Variants in LPA observed in about 807,000 individuals in gnomAD.
LPA encodes the protein apolipoprotein(a).
Under a neutral mutation model 197.9 loss-of-function variants are expected in LPA, and 199 were observed. The ratio of observed to expected loss-of-function variants is 1.01; its 90% CI spans 0.90 to 1.13. LPA has a LOEUF of 1.13. LPA is among the 50% of genes most tolerant of loss of function. The probability of loss-of-function intolerance (pLI) is 0.00; values close to 1 mark genes in which losing one functional copy is unlikely to be tolerated. For missense variants in LPA, 1,853 were observed against 1,785.8 expected (o/e 1.04, Z -0.68); for synonymous variants, 715 against 639.5 (o/e 1.12, Z -1.78).
intron 28 of LPA, among the ~76,000 whole-genome samples, chr6:160,565,608 G>A (rs1329371287): frequency 1.3e-5 from 2 of 152,176 alleles, no homozygotes; most frequent in Non-Finnish European, 2.9e-5. Context: ...CTAAAAATCA[G>A]GGTGCCTCTT....
chr6:160,536,988 T>C (rs992740107), intron 37 of LPA, among the ~76,000 whole-genome samples: 14 of 152,170 alleles, frequency 9.2e-5, no homozygotes, highest in African/African-American at 3.4e-4. Flanking sequence ...AGCCAAGTGG[T>C]ACAAAGAGGT....
Position 160,556,813 on chromosome 6 carries a change from G to A in LPA, c.4813+577C>T, listed in dbSNP as rs550986410. 2.0e-5 allele frequency among the ~76,000 whole-genome samples: 3 copies of A among 152,216 alleles called. No homozygotes were observed. In the East Asian group the frequency reaches 5.8e-4, roughly 29 times the overall value. On this transcript the variant is annotated intron_variant, in intron 29 of 38. Transcript: ENST00000316300. ...CTCTCAACACACACCAAAGATGCAC[G>A]TTCCATGAGAAGAAGGCACAAGAAC...
At chr6:160,602,125 A>C (rs1225982667) in intron 18 of LPA, among the ~76,000 whole-genome samples, 1 of 152,130 alleles carries the variant, frequency 6.6e-6, no homozygotes, top group Non-Finnish European at 1.5e-5. Context: ...GAGACTCTAC[A>C]CATGTGACCT....
chr6:160,587,048 C>G (rs558746668), intron 24 of LPA, among the ~76,000 whole-genome samples: 1 of 152,300 alleles, frequency 6.6e-6, no homozygotes, highest in South Asian at 2.1e-4. Context: ...ATGATCTATT[C>G]AGTGTTTGAT....
At position 160,577,241 on chromosome 6, in the gene LPA, C is replaced by A; in HGVS notation, c.4526G>T (p.Ser1509Ile). 9.9e-6 allele frequency: 16 copies of A among 1,613,930 alleles called. No homozygotes were observed. Among genetic ancestry groups the A allele is most frequent in the Non-Finnish European group, 1.4e-5 (16 of 1,179,860 alleles). Residue 1509 changes from serine (S) to isoleucine (I), a missense_variant, in exon 28 of 39, where the codon AGT (serine) becomes ATT (isoleucine). Physicochemically the swap from Ser to Ile is moderately radical, Grantham distance 142 (BLOSUM62 -2). This residue lies in a region of LPA where 1,737 missense variants were observed against 1,504.4 expected (regional missense o/e 1.15). Coordinates refer to ENST00000316300, the MANE Select transcript of LPA (RefSeq NM_005577.4). ...AGTGGTGGAGGATATGCCTCGATAA[C>A]TCCGTCCATCACCATGGTAGCAATC... ...VQDCYHGDGR[S>I]YRGISSTTVT...
In LPA at chr6:160,586,479, C is replaced by G; in HGVS notation, c.4099G>C (p.Val1367Leu). The change falls in exon 25 of 39, where the codon GTT becomes CTT. Residue 1367 changes from valine to leucine, a missense_variant. Val to Leu is a conservative substitution (Grantham distance 32). Around this residue, in one of 3 missense-constraint regions of LPA, gnomAD observed 1,737 missense variants for 1,504.4 expected, o/e 1.15. Transcript: ENST00000316300. Reference protein sequence around the residue: ...TLLTTPTVVPVPSTELPSEEA... With the variant: ...TLLTTPTVVPLPSTELPSEEA... ...TCAGAAGGAAGCTCTGTGCTTGGAA[C>G]TGGGACCACCGTGGGAGTTGTGAGG... is the stretch of plus-strand genomic sequence containing the variant. 1 of 1,613,738 alleles carries G rather than the reference C, an allele frequency of 6.2e-7. No homozygotes were observed. The highest frequency in any genetic ancestry group is 8.5e-7 in the Non-Finnish European group (1 of 1,179,692).
Position 160,548,576 on chromosome 6 carries a change from T to C in LPA, c.5057A>G (p.Glu1686Gly), listed in dbSNP as rs1778117921. 2 of 1,614,084 alleles carry C rather than the reference T, an allele frequency of 1.2e-6. No homozygotes were observed. Among genetic ancestry groups the C allele is most frequent in the Non-Finnish European group, 1.7e-6 (2 of 1,180,002 alleles). ...TGAGCATCGCGTCAGGTTGCAGTAC[T>C]CCCACCTGATGCTGGGGTCCATGGT... is the stretch of plus-strand genomic sequence containing the variant. ...CFTMDPSIRW[E>G]YCNLTRCSDT... Residue 1686 changes from glutamate (E) to glycine (G), a missense_variant, in exon 31 of 39, where the codon GAG (glutamate) becomes GGG (glycine). Coordinates refer to ENST00000316300, the MANE Select transcript of LPA (RefSeq NM_005577.4).
At chr6:160,593,574 A>G (rs1050029439) in intron 22 of LPA, among the ~76,000 whole-genome samples, 1 of 152,192 alleles carries the variant, frequency 6.6e-6, no homozygotes, top group African/African-American at 2.4e-5. Flanking sequence ...GTTGCCCAAG[A>G]TGAACATGGC....
chr6:160,664,071 A>G, intron 1 of LPA, 95 bp downstream of exon 1: 2 of 1,214,518 alleles, frequency 1.6e-6, no homozygotes, highest in Non-Finnish European at 2.3e-6. Context: ...TGAATCAAAA[A>G]TTAAATGAAT....
At chr6:160,607,721 G>A (rs1779389392) in intron 16 of LPA, among the ~76,000 whole-genome samples, 1 of 152,098 alleles carries the variant, frequency 6.6e-6, no homozygotes, top group Non-Finnish European at 1.5e-5. Context: ...TATACATGTG[G>A]CCTAGTGTCA....
intron 22 of LPA, among the ~76,000 whole-genome samples, chr6:160,593,185 G>A (rs944663648): frequency 6.6e-6 from 1 of 152,068 alleles, no homozygotes; most frequent in Non-Finnish European, 1.5e-5. Flanking sequence ...GGTCAGCTGG[G>A]CTCCATCTGC....
At chr6:160,653,851 T>C (rs1049318144) in intron 1 of LPA, among the ~76,000 whole-genome samples, 1 of 138,496 alleles carries the variant, frequency 7.2e-6, no homozygotes, top group Non-Finnish European at 1.5e-5. Flanking sequence ...GTTGGTTCAA[T>C]GTATACAAAT....
chr6:160,609,074 T>C (rs2115064267), intron 16 of LPA, among the ~76,000 whole-genome samples: 1 of 152,286 alleles, frequency 6.6e-6, no homozygotes, highest in South Asian at 2.1e-4. Flanking sequence ...TCTGTTTTAT[T>C]ACATATTCAT....
intron 30 of LPA, among the ~76,000 whole-genome samples, chr6:160,553,500 G>A (rs1778198844): frequency 6.6e-6 from 1 of 152,052 alleles, no homozygotes; most frequent in Non-Finnish European, 1.5e-5. Flanking sequence ...GTCCTAGGTT[G>A]ATCTGTTTTT....
At chr6:160,579,539 G>T (rs1778751025) in intron 26 of LPA, among the ~76,000 whole-genome samples, 1 of 152,138 alleles carries the variant, frequency 6.6e-6, no homozygotes, top group African/African-American at 2.4e-5. Context: ...GATCTGAAGG[G>T]GTCAAGTGGC....
chr6:160,600,044 A>G (rs138958274), intron 19 of LPA, among the ~76,000 whole-genome samples: 1 of 152,310 alleles, frequency 6.6e-6, no homozygotes, highest in African/African-American at 2.4e-5. Flanking sequence ...CCAAGCATTA[A>G]AATGGTTTTT....
intron 29 of LPA, among the ~76,000 whole-genome samples, chr6:160,556,409 C>T (rs1176318964): frequency 6.6e-6 from 1 of 152,088 alleles, no homozygotes; most frequent in Non-Finnish European, 1.5e-5. Flanking sequence ...AAGGACCTAT[C>T]AGTGCTCTTA....
chr6:160,544,211 C>T lies in LPA; in HGVS notation c.5398+1229G>A, dbSNP rs1778027688. On this transcript the variant is annotated intron_variant, in intron 33 of 38. Coordinates refer to ENST00000316300, the MANE Select transcript of LPA (RefSeq NM_005577.4). The stretch of plus-strand genomic sequence containing the variant: ...AGTCAGACTGGGCTTAAATTCAAGG[C>T]AGCCTGTCAAGGATAGAGAGCCCAG... Among the ~76,000 whole-genome samples the T allele has an allele frequency of 1.3e-5, 2 of 152,156 alleles. 1 individual carries two copies. The highest frequency in any genetic ancestry group is 4.2e-4 in the South Asian group (2 of 4,806).
chr6:160,559,304 G>T (rs1778323492), intron 28 of LPA, among the ~76,000 whole-genome samples: 1 of 152,138 alleles, frequency 6.6e-6, no homozygotes, highest in Admixed American at 6.6e-5. Flanking sequence ...AATATACATG[G>T]CTTCTTTCCT....
Sources: gnomAD v4.1 joint callset for allele counts (sites outside exome capture counted in the v4.1 genomes callset) on GRCh38, gnomAD v4.1.1 for gene constraint, gnomAD v4.1.1 regional missense constraint, MANE v1.5 for transcripts, NCBI Gene and HGNC (gene_info 2026-07-23, HGNC 2026-07-21) for gene names.